The following DIAPH3 variants were observed in gnomAD, a reference collection of about 807,000 sequenced individuals.
The protein encoded by DIAPH3 is protein diaphanous homolog 3.
Under a neutral mutation model 144.3 loss-of-function variants are expected in DIAPH3, and 117 were observed. That is an observed-to-expected ratio of 0.81 (90% CI 0.70 to 0.95). The LOEUF is 0.95. Among genes scored for constraint, DIAPH3 ranks in the 40% least tolerant of loss-of-function variants. DIAPH3 has a pLI of 0.00. For missense variants in DIAPH3, 1,421 were observed against 1,412.7 expected (o/e 1.01, Z -0.09); for synonymous variants, 519 against 488.9 (o/e 1.06, Z -0.81).
chr13:59,738,024 T>C (rs952793482), intron 27 of DIAPH3, among the ~76,000 whole-genome samples: 5 of 151,732 alleles, frequency 3.3e-5, no homozygotes, highest in Non-Finnish European at 5.9e-5. Flanking sequence ...AAAATTAGCC[T>C]GGCATGGTGG....
At chr13:59,741,639 C>A (rs1157539902) in intron 27 of DIAPH3, among the ~76,000 whole-genome samples, 2 of 150,596 alleles carry the variant, frequency 1.3e-5, no homozygotes, top group Non-Finnish European at 2.9e-5. Context: ...ATTGCTTGAG[C>A]CCAGGAGGTT....
At chr13:59,793,701 T>C (rs1054680260) in intron 25 of DIAPH3, among the ~76,000 whole-genome samples, 14 of 152,140 alleles carry the variant, frequency 9.2e-5, no homozygotes, top group South Asian at 4.2e-4. Flanking sequence ...ATTCATTCCA[T>C]GGCTTCATTT....
intron 5 of DIAPH3, among the ~76,000 whole-genome samples, chr13:60,031,504 T>A (rs1367724513): frequency 6.6e-6 from 1 of 152,146 alleles, no homozygotes; most frequent in African/African-American, 2.4e-5. Flanking sequence ...AAGTCTTAAT[T>A]CATTCCAGCA....
At chr13:60,086,085 G>A (rs1215544928) in intron 4 of DIAPH3, among the ~76,000 whole-genome samples, 1 of 151,920 alleles carries the variant, frequency 6.6e-6, no homozygotes, top group East Asian at 1.9e-4. Flanking sequence ...TATAATAAAA[G>A]AAAAGCTGTC....
rs2041875425 is a variant in DIAPH3 at position 59,833,259 on chromosome 13, T to C, written c.2875A>G (p.Ser959Gly). Residue 959 changes from serine to glycine, a missense_variant, in exon 24 of 28, where the codon AGT becomes GGT. Ser to Gly is a moderately conservative substitution (Grantham distance 56). Coordinates refer to ENST00000400324, the MANE Select transcript of DIAPH3 (RefSeq NM_001042517.2). Reference protein sequence around the residue: ...FVTKMSRFVISAKEQYETLSK... With the variant: ...FVTKMSRFVIGAKEQYETLSK... Reference sequence around the variant, plus strand: ...AGTGTCTCATATTGTTCTTTTGCACTGATAACAAATCTGTATACTATAGTT... The same window carrying C: ...AGTGTCTCATATTGTTCTTTTGCACCGATAACAAATCTGTATACTATAGTT... 6.2e-6 allele frequency: 10 copies of C among 1,607,626 alleles called. No homozygotes were observed. The highest frequency in any genetic ancestry group is 8.5e-6 in the Non-Finnish European group (10 of 1,176,114).
chr13:59,980,306 T>C (rs970463034), intron 14 of DIAPH3, among the ~76,000 whole-genome samples: 1 of 151,580 alleles, frequency 6.6e-6, no homozygotes, highest in Non-Finnish European at 1.5e-5. Context: ...CTCTTAAAAT[T>C]TTTATATATG....
intron 1 of DIAPH3, among the ~76,000 whole-genome samples, chr13:60,135,177 G>C (rs1460289793): frequency 6.7e-6 from 1 of 150,326 alleles, no homozygotes; most frequent in South Asian, 2.1e-4. Context: ...GGCTCACAAC[G>C]TTCAGGAAAA....
rs1014684277 is a variant in DIAPH3 at position 60,092,445 on chromosome 13, G to A, written c.495+1183C>T. On this transcript the variant is annotated intron_variant, in intron 4 of 27. Transcript: ENST00000400324. ...AGGCGGGCGGATCACGAGGTCAGGA[G>A]ATCGAGACCATCCTGGCTAACACGG... Among the ~76,000 whole-genome samples, 8 of 152,290 alleles carry A rather than the reference G, an allele frequency of 5.3e-5. No homozygotes were observed. The South Asian group carries it at 1.0e-3, about 20-fold the overall frequency.
chr13:59,962,880 A>T (rs1156812872), intron 17 of DIAPH3, among the ~76,000 whole-genome samples: 1 of 152,202 alleles, frequency 6.6e-6, no homozygotes, highest in Non-Finnish European at 1.5e-5. Flanking sequence ...TTTCAACTTA[A>T]CTAAAATAAT....
chr13:59,789,364 C>T (rs1257210091), intron 25 of DIAPH3, among the ~76,000 whole-genome samples: 1 of 152,134 alleles, frequency 6.6e-6, no homozygotes. Flanking sequence ...CAAGCTTAAG[C>T]TTGACAAATG....
chr13:59,794,441 G>A (rs1319574414), intron 25 of DIAPH3, among the ~76,000 whole-genome samples: 2 of 151,474 alleles, frequency 1.3e-5, no homozygotes, highest in African/African-American at 4.9e-5. Flanking sequence ...TGAGTTTCCA[G>A]TTACATTTCC....
Position 60,008,599 on chromosome 13 carries a change from A to T in DIAPH3, c.959T>A (p.Ile320Asn), listed in dbSNP as rs769666542. ...ALTSAGEEKK[I>N]DRFFCIVEGL... Reference sequence around the variant, plus strand: ...TTCCACAATACAAAAAAATCTGTCAATTTTTTTTTCTTCACCAGCTGAAGT... The same window carrying T: ...TTCCACAATACAAAAAAATCTGTCATTTTTTTTTTCTTCACCAGCTGAAGT... Residue 320 changes from isoleucine to asparagine, a missense_variant, in exon 9 of 28, where the codon ATT (isoleucine) becomes AAT (asparagine). By Grantham distance (149) the Ile-to-Asn change is moderately radical. Transcript: ENST00000400324. 1.9e-6 allele frequency: 3 copies of T among 1,604,830 alleles called. No individual in the cohort carries two copies. The highest frequency in any genetic ancestry group is 2.6e-6 in the Non-Finnish European group (3 of 1,173,232).
chr13:59,887,655 C>A (rs756788674), intron 20 of DIAPH3, among the ~76,000 whole-genome samples: 38 of 151,880 alleles, frequency 2.5e-4, no homozygotes, highest in Non-Finnish European at 4.3e-4. Context: ...ATTTGATATG[C>A]GTTTAAAAAT....
chr13:59,724,177 T>C (rs1182963472), intron 27 of DIAPH3, among the ~76,000 whole-genome samples: 1 of 152,180 alleles, frequency 6.6e-6, no homozygotes. Context: ...AGTATATGTA[T>C]ACCCTACACA....
At chr13:59,844,924 A>G (rs1017742350) in intron 22 of DIAPH3, among the ~76,000 whole-genome samples, 2 of 152,114 alleles carry the variant, frequency 1.3e-5, no homozygotes, top group Non-Finnish European at 2.9e-5. Context: ...CTCTCTTGCA[A>G]TTCTCAGATT....
intron 27 of DIAPH3, among the ~76,000 whole-genome samples, chr13:59,733,342 C>T (rs2035979211): frequency 6.6e-6 from 1 of 152,072 alleles, no homozygotes; most frequent in Non-Finnish European, 1.5e-5. Flanking sequence ...AAAGCCAGAA[C>T]TTAATTTCCG....
intron 17 of DIAPH3, among the ~76,000 whole-genome samples, chr13:59,925,966 T>C (rs1002228548): frequency 6.6e-6 from 1 of 152,108 alleles, no homozygotes; most frequent in Non-Finnish European, 1.5e-5. Context: ...CAACTTTTCA[T>C]TTGTTTAATC....
chr13:59,852,646 G>A (rs1028134537), intron 22 of DIAPH3, among the ~76,000 whole-genome samples: 4 of 152,136 alleles, frequency 2.6e-5, no homozygotes, highest in Admixed American at 2.6e-4. Context: ...GTACACTTAT[G>A]ATCCTGTACA....
chr13:59,884,507 C>T (rs770314998), intron 20 of DIAPH3, among the ~76,000 whole-genome samples: 5 of 152,072 alleles, frequency 3.3e-5, no homozygotes, highest in Non-Finnish European at 5.9e-5. Flanking sequence ...TCATACTCTC[C>T]TATTAGCTAA....
Sources: gnomAD v4.1 joint callset for allele counts (sites outside exome capture counted in the v4.1 genomes callset) on GRCh38, gnomAD v4.1.1 for gene constraint, MANE v1.5 for transcripts, NCBI Gene and HGNC (gene_info 2026-07-23, HGNC 2026-07-21) for gene names.